Variants in PAPOLG observed in about 807,000 individuals in gnomAD.
PAPOLG encodes PAP-gamma.
Under a neutral mutation model 99.0 loss-of-function variants are expected in PAPOLG, and 40 were observed. The observed-to-expected ratio is 0.40, with a 90% CI of 0.31 to 0.53. The LOEUF (loss-of-function observed/expected upper bound fraction) is 0.53. PAPOLG is among the 20% of genes least tolerant of loss of function. The probability of loss-of-function intolerance (pLI) is 0.41; values close to 1 mark genes in which losing one functional copy is unlikely to be tolerated. For synonymous variants in PAPOLG, 310 were observed against 299.3 expected (o/e 1.04, Z -0.37); for missense variants, 675 against 884.1 (o/e 0.76, Z 3.00).
chr2:60,785,104 T>C (rs1671317829), intron 13 of PAPOLG, among the ~76,000 whole-genome samples: 1 of 152,200 alleles, frequency 6.6e-6, no homozygotes, highest in Non-Finnish European at 1.5e-5. Context: ...TGTATTTTAA[T>C]AGGATGTGAT....
chr2:60,786,259 C>T (rs1671358796), intron 13 of PAPOLG, among the ~76,000 whole-genome samples: 1 of 151,988 alleles, frequency 6.6e-6, no homozygotes. Flanking sequence ...GAGATGGAAC[C>T]TCACTCTGTC....
chr2:60,787,618 C>T lies in PAPOLG; in HGVS notation c.1394C>T (p.Thr465Ile), dbSNP rs1671404540. The T allele has an allele frequency of 6.2e-7, 1 of 1,612,858 alleles. No homozygotes were observed. Among genetic ancestry groups the T allele is most frequent in the Non-Finnish European group, 8.5e-7 (1 of 1,179,398 alleles). ...TATGATATACAGTCATTTACTGATA[C>T]AGGTAAGACTCCATCATCATAGAGC... ...LTYDIQSFTDTVYRQANNINM... is the reference protein window; with the variant it reads ...LTYDIQSFTDIVYRQANNINM... Residue 465 changes from threonine (T) to isoleucine (I), a missense_variant and splice_region_variant, in exon 15 of 22, where the codon ACA becomes ATA. Thr to Ile is a moderately conservative substitution (Grantham distance 89). Coordinates refer to ENST00000238714, the MANE Select transcript of PAPOLG (RefSeq NM_022894.4).
intron 9 of PAPOLG, among the ~76,000 whole-genome samples, chr2:60,780,440 T>C (rs970678931): frequency 6.6e-6 from 1 of 152,144 alleles, no homozygotes; most frequent in Non-Finnish European, 1.5e-5. Flanking sequence ...TAGGCATGGC[T>C]AATTTTTGTG....
intron 15 of PAPOLG, among the ~76,000 whole-genome samples, chr2:60,790,125 G>GTTTC (rs1008058153): frequency 2.0e-5 from 3 of 152,108 alleles, no homozygotes; most frequent in African/African-American, 7.2e-5. Flanking sequence ...AGATTCTTAT[G>GTTTC]TTTCACCTTA....
intron 2 of PAPOLG, among the ~76,000 whole-genome samples, chr2:60,760,590 A>G (rs1178706060): frequency 1.3e-5 from 2 of 152,186 alleles, no homozygotes; most frequent in African/African-American, 2.4e-5. Context: ...TTAAGGGAAA[A>G]TTTAAAGATG....
chr2:60,783,784 T>G (rs1302574179), intron 13 of PAPOLG, among the ~76,000 whole-genome samples: 1 of 151,990 alleles, frequency 6.6e-6, no homozygotes, highest in Admixed American at 6.6e-5. Flanking sequence ...TACTGGTGAT[T>G]GTTGTGCATG....
chr2:60,779,901 A>T, intron 9 of PAPOLG, 126 bp downstream of exon 9: 1 of 832,830 alleles, frequency 1.2e-6, no homozygotes, highest in Non-Finnish European at 1.8e-6. Flanking sequence ...AGTTGAAAGT[A>T]TAAAACATCA....
intron 15 of PAPOLG, among the ~76,000 whole-genome samples, chr2:60,790,166 C>T (rs1205795575): frequency 1.3e-5 from 2 of 152,152 alleles, no homozygotes; most frequent in Non-Finnish European, 2.9e-5. Context: ...GGGGAGGGAG[C>T]CAGAGAATCT....
intron 6 of PAPOLG, 85 bp downstream of exon 6, chr2:60,770,596 G>A: frequency 3.7e-6 from 3 of 820,184 alleles, no homozygotes; most frequent in South Asian, 4.2e-5. Context: ...TAACATAAAT[G>A]CATATTTTAA....
chr2:60,778,326 T>TTATTC (rs1250896091), intron 8 of PAPOLG, among the ~76,000 whole-genome samples: 2 of 151,484 alleles, frequency 1.3e-5, no homozygotes. Flanking sequence ...TTATTTTATT[T>TTATTC]TATTTTATTT....
intron 15 of PAPOLG, 190 bp from the exon 16 acceptor site, chr2:60,791,571 G>A: frequency 2.0e-6 from 1 of 502,312 alleles, no homozygotes; most frequent in Non-Finnish European, 3.3e-6. Flanking sequence ...AAAAACTAGT[G>A]GATTCATGAA....
In PAPOLG at chr2:60,792,247, C is replaced by T. The variant is rs1437095480; in HGVS notation, c.1637C>T (p.Pro546Leu). ...GATAATGGAACACCTTTTAATTCTCCAGCGTCCAAGTCTGATAGCCCTTCT... is the reference window on the plus strand; with the variant it reads ...GATAATGGAACACCTTTTAATTCTCTAGCGTCCAAGTCTGATAGCCCTTCT... ...DTDNGTPFNSPASKSDSPSVG... is the reference protein window; with the variant it reads ...DTDNGTPFNSLASKSDSPSVG... The change falls in exon 17 of 22, where the codon CCA becomes CTA. Residue 546 changes from proline (P) to leucine (L), a missense_variant. Coordinates refer to ENST00000238714, the MANE Select transcript of PAPOLG (RefSeq NM_022894.4). The T allele has an allele frequency of 1.9e-6, 3 of 1,610,096 alleles. No individual in the cohort carries two copies. The highest frequency in any genetic ancestry group is 4.5e-5 in the East Asian group (2 of 44,846).
chr2:60,780,571 C>G (rs375754325), intron 9 of PAPOLG, 136 bp from the exon 10 acceptor site: 7 of 818,040 alleles, frequency 8.6e-6, no homozygotes, highest in Non-Finnish European at 7.6e-6. Context: ...CCACCATGCT[C>G]GGCCTTTTTT....
intron 21 of PAPOLG, 177 bp downstream of exon 21, chr2:60,795,197 A>G (rs1671659344): frequency 4.5e-6 from 3 of 661,132 alleles, no homozygotes; most frequent in Admixed American, 2.4e-5. Context: ...TTCTGAATGT[A>G]TGTACCTCAA....
rs1213574333 is a variant in PAPOLG, at chr2:60,794,981, A to G, written c.2073A>G (p.Glu691=). 6.2e-7 allele frequency: 1 copy of G among 1,613,492 alleles called. No individual in the cohort carries two copies. The highest frequency in any genetic ancestry group is 8.5e-7 in the Non-Finnish European group (1 of 1,179,790). Residue 691 remains glutamate, a synonymous_variant, in exon 21 of 22, where the codon GAA becomes GAG. Coordinates refer to ENST00000238714, the MANE Select transcript of PAPOLG (RefSeq NM_022894.4). The stretch of plus-strand genomic sequence containing the variant: ...GTTTTTAGGATGCCATTGGAGGAGA[A>G]TCTATGCCTATTCCAACTATTGATA... ...KRKSVDAIGG[E]SMPIPTIDTS... is the part of the protein sequence containing the mutation.
intron 13 of PAPOLG, 59 bp downstream of exon 13, chr2:60,783,268 G>T: frequency 1.0e-6 from 1 of 977,100 alleles, no homozygotes; most frequent in South Asian, 1.9e-5. Context: ...TTATTTATAT[G>T]GTGCTTTACC....
intron 6 of PAPOLG, 142 bp from the exon 7 acceptor site, chr2:60,771,377 C>T: frequency 1.2e-6 from 1 of 838,628 alleles, no homozygotes; most frequent in Non-Finnish European, 1.7e-6. Flanking sequence ...CCATGTGAGA[C>T]TGCCTACATA....
chr2:60,763,115 C>G, intron 3 of PAPOLG, among the ~76,000 whole-genome samples: 1 of 151,686 alleles, frequency 6.6e-6, no homozygotes. Context: ...CCCTCTGTCA[C>G]CCAGGCTGCA....
intron 21 of PAPOLG, 22 bp downstream of exon 21, chr2:60,795,042 T>C: frequency 6.3e-7 from 1 of 1,577,176 alleles, no homozygotes; most frequent in African/African-American, 1.3e-5. Flanking sequence ...GTCTTGTTCA[T>C]AGGTACAGTA....
Sources: allele counts gnomAD v4.1 joint callset (sites outside exome capture counted in the v4.1 genomes callset), GRCh38; gene constraint gnomAD v4.1.1; transcripts MANE v1.5; gene names NCBI Gene and HGNC (gene_info 2026-07-23, HGNC 2026-07-21).